Variants in KIAA1549L observed in about 807,000 individuals in gnomAD.
KIAA1549L encodes the protein UPF0606 protein KIAA1549L.
In KIAA1549L, 88 loss-of-function variants were observed where a neutral mutation model predicts 160.7. The ratio of observed to expected loss-of-function variants is 0.55; its 90% CI spans 0.46 to 0.65. The LOEUF (loss-of-function observed/expected upper bound fraction) is 0.65. KIAA1549L is among the 30% of genes least tolerant of loss of function. KIAA1549L has a pLI of 0.00. For missense variants in KIAA1549L, 2,258 were observed against 2,437.5 expected (o/e 0.93, Z 1.55); for synonymous variants, 950 against 976.7 (o/e 0.97, Z 0.51).
At chr11:33,655,964 G>A (rs1397927245) in intron 17 of KIAA1549L, 48 bp from the exon 18 acceptor site, 5 of 1,332,326 alleles carry the variant, frequency 3.8e-6, no homozygotes, top group Middle Eastern at 3.6e-4. Context: ...TGTGCTGATC[G>A]ACCCTGGGTG....
chr11:33,609,994 G>A (rs779167196), intron 15 of KIAA1549L, 28 bp downstream of exon 15: 2 of 1,572,072 alleles, frequency 1.3e-6, no homozygotes, highest in Non-Finnish European at 1.7e-6. Flanking sequence ...TTCTGTAAAG[G>A]GTGCTGTATC....
intron 12 of KIAA1549L, among the ~76,000 whole-genome samples, chr11:33,593,131 T>C (rs1850105692): frequency 6.6e-6 from 1 of 152,096 alleles, no homozygotes; most frequent in African/African-American, 2.4e-5. Flanking sequence ...TGACTTGCAG[T>C]TTTATAGGCT....
chr11:33,442,534 A>G (rs979654726), intron 1 of KIAA1549L, among the ~76,000 whole-genome samples: 5 of 152,194 alleles, frequency 3.3e-5, no homozygotes, highest in Non-Finnish European at 4.4e-5. Flanking sequence ...TGATGCTGAA[A>G]AGTTAGCTCA....
intron 14 of KIAA1549L, among the ~76,000 whole-genome samples, chr11:33,609,432 A>G (rs1310108018): frequency 1.3e-5 from 2 of 152,258 alleles, no homozygotes; most frequent in Non-Finnish European, 2.9e-5. Flanking sequence ...AAAAGGGTAT[A>G]GGCATAATTA....
In KIAA1549L at chr11:33,542,331, T is replaced by TC. The variant is rs1854046729; in HGVS notation, c.769dup (p.His257ProfsTer6). ...CCTCTTCATTGGCTCCTGACTCACC[T>TC]CATTCCATCATCTCTGAGCCAGCAG... On this transcript the variant is annotated frameshift_variant, in exon 2 of 21. Transcript: ENST00000658780. LOFTEE classifies it high-confidence loss of function. The TC allele has an allele frequency of 1.4e-6, 1 of 718,278 alleles. No homozygotes were observed. The highest frequency in any genetic ancestry group is 1.8e-5 in the African/African-American group (1 of 56,414). The allele number at this position is 718,278 out of a possible 1,614,324, so 44.5% of individuals were successfully genotyped here.
At chr11:33,554,284 T>C (rs1468205648) in intron 6 of KIAA1549L, among the ~76,000 whole-genome samples, 1 of 152,222 alleles carries the variant, frequency 6.6e-6, no homozygotes, top group Non-Finnish European at 1.5e-5. Flanking sequence ...TTTGCTCAGA[T>C]AGTCATTGAA....
rs1297451272 is a variant in KIAA1549L, at chr11:33,669,978, C to T, written c.*1824C>T. The T allele has an allele frequency of 2.6e-5, 4 of 152,152 alleles. No individual in the cohort carries two copies. Among genetic ancestry groups the T allele is most frequent in the African/African-American group, 7.2e-5 (3 of 41,432 alleles). 9.4% of individuals were successfully genotyped at this position (152,152 alleles called of 1,614,324 possible). ...TATATGGTATATTTCTATCAATGGCCAGTTGTTGTAGTCCAAAACCTAAAT... is the reference window on the plus strand; with the variant it reads ...TATATGGTATATTTCTATCAATGGCTAGTTGTTGTAGTCCAAAACCTAAAT... On this transcript the variant is annotated 3_prime_UTR_variant, in exon 21 of 21. Transcript: ENST00000658780.
At chr11:33,645,589 C>T in intron 16 of KIAA1549L, 97 bp from the exon 17 acceptor site, 1 of 895,578 alleles carries the variant, frequency 1.1e-6, no homozygotes, top group East Asian at 2.4e-5. Context: ...ACAGATGCAT[C>T]CTAGCACCTG....
In KIAA1549L at chr11:33,667,980, C is replaced by G. The variant is rs763567612; in HGVS notation, c.6267C>G (p.Ser2089Arg). 15 of 1,613,844 alleles carry G rather than the reference C, an allele frequency of 9.3e-6. No homozygotes were observed. Among genetic ancestry groups the G allele is most frequent in the Non-Finnish European group, 1.2e-5 (14 of 1,179,918 alleles). The change falls in exon 21 of 21, where the codon AGC (serine) becomes AGG (arginine). Residue 2089 changes from serine (S) to arginine (R), a missense_variant. Ser to Arg is a moderately radical substitution (Grantham distance 110, BLOSUM62 -1). Coordinates refer to ENST00000658780, the MANE Select transcript of KIAA1549L (RefSeq NM_012194.3). ...GCCAGCCAGCCAACCTGCACCCCAG[C>G]CTGGAGCAGGCCCCGGCGCCCTCCA... The part of the protein sequence containing the change: ...QYSQPANLHP[S>R]LEQAPAPSTA...
chr11:33,422,292 A>G (rs535196646), intron 1 of KIAA1549L, among the ~76,000 whole-genome samples: 1 of 152,230 alleles, frequency 6.6e-6, no homozygotes, highest in South Asian at 2.1e-4. Context: ...TAAAACAACC[A>G]CTGCCCTGTG....
intron 1 of KIAA1549L, among the ~76,000 whole-genome samples, chr11:33,532,606 T>C (rs1256138966): frequency 6.6e-6 from 1 of 152,210 alleles, no homozygotes; most frequent in Non-Finnish European, 1.5e-5. Flanking sequence ...AGAAGTGGGA[T>C]TTGAATCCAG....
At chr11:33,589,572 T>C (rs1417637131) in intron 11 of KIAA1549L, among the ~76,000 whole-genome samples, 4 of 152,198 alleles carry the variant, frequency 2.6e-5, no homozygotes, top group Non-Finnish European at 4.4e-5. Context: ...CATGGAATAC[T>C]ATGCAGCCAT....
At chr11:33,525,216 C>T (rs894710063) in intron 1 of KIAA1549L, among the ~76,000 whole-genome samples, 1 of 152,176 alleles carries the variant, frequency 6.6e-6, no homozygotes, top group Admixed American at 6.5e-5. Flanking sequence ...CCACTGCAGA[C>T]TCTGTAAGAC....
At chr11:33,402,747 G>A (rs1031882243) in intron 1 of KIAA1549L, among the ~76,000 whole-genome samples, 5 of 152,240 alleles carry the variant, frequency 3.3e-5, no homozygotes, top group African/African-American at 1.2e-4. Context: ...AGCTGGAGCA[G>A]AGGGACAGCT....
At chr11:33,549,432 A>G (rs759337250) in intron 4 of KIAA1549L, among the ~76,000 whole-genome samples, 9 of 152,198 alleles carry the variant, frequency 5.9e-5, no homozygotes, top group Non-Finnish European at 1.2e-4. Context: ...CTAAACTGAG[A>G]CTTATTCCTT....
intron 11 of KIAA1549L, among the ~76,000 whole-genome samples, chr11:33,588,916 A>C (rs1226155388): frequency 6.6e-6 from 1 of 152,186 alleles, no homozygotes; most frequent in Non-Finnish European, 1.5e-5. Context: ...TCAAATAAAA[A>C]AGCCATGTTG....
At chr11:33,627,645 T>C (rs1851155743) in intron 16 of KIAA1549L, among the ~76,000 whole-genome samples, 1 of 152,194 alleles carries the variant, frequency 6.6e-6, no homozygotes, top group South Asian at 2.1e-4. Context: ...GATTCTTCTC[T>C]TTTTTTCTTT....
At chr11:33,531,501 G>A (rs1590316084) in intron 1 of KIAA1549L, among the ~76,000 whole-genome samples, 1 of 152,210 alleles carries the variant, frequency 6.6e-6, no homozygotes, top group East Asian at 1.9e-4. Context: ...AATAAAATGG[G>A]GAGGGAGAGG....
At chr11:33,385,661 G>A (rs533652724) in intron 1 of KIAA1549L, among the ~76,000 whole-genome samples, 2 of 151,096 alleles carry the variant, frequency 1.3e-5, no homozygotes, top group African/African-American at 4.8e-5. Flanking sequence ...GTATCTTCTT[G>A]TTAATTTCTA....
Sources: gnomAD v4.1 joint callset for allele counts (sites outside exome capture counted in the v4.1 genomes callset) on GRCh38, gnomAD v4.1.1 for gene constraint, MANE v1.5 for transcripts, NCBI Gene and HGNC (gene_info 2026-07-23, HGNC 2026-07-21) for gene names.